GALNT16: variants seen among roughly 807,000 people sequenced by gnomAD.
GALNT16 encodes the protein UDP-GalNAc:polypeptide N-acetylgalactosaminyltransferase-like protein 1.
In GALNT16, 40 loss-of-function variants were observed where a neutral mutation model predicts 76.1. The ratio of observed to expected loss-of-function variants is 0.53; its 90% CI spans 0.41 to 0.68. GALNT16 has a LOEUF of 0.68. GALNT16 is among the 30% of genes least tolerant of loss of function. The pLI is 0.00. For synonymous variants in GALNT16, 276 were observed against 285.2 expected, an observed-to-expected ratio of 0.97 and a Z score of 0.32; for missense variants, 621 against 731.9, an observed-to-expected ratio of 0.85 and a Z score of 1.75.
chr14:69,310,450 T>C (rs939996221), intron 1 of GALNT16, among the ~76,000 whole-genome samples: 2 of 152,160 alleles, frequency 1.3e-5, no homozygotes, highest in Non-Finnish European at 2.9e-5. Flanking sequence ...TTTCCAAGCA[T>C]GAGCTGTGTC....
chr14:69,271,003 G>A (rs902116516), intron 1 of GALNT16, among the ~76,000 whole-genome samples: 2 of 152,112 alleles, frequency 1.3e-5, no homozygotes, highest in African/African-American at 2.4e-5. Context: ...GACCAGGGAA[G>A]GCAAGGGAGC....
intron 1 of GALNT16, among the ~76,000 whole-genome samples, chr14:69,291,711 C>T (rs909606951): frequency 7.2e-5 from 11 of 152,196 alleles, no homozygotes; most frequent in Non-Finnish European, 1.5e-4. Context: ...AGGAGTTCCA[C>T]CCCCTGGACT....
rs866631421 is a variant in GALNT16 at position 69,348,286 on chromosome 14, A to C, written c.1539+284A>C. 5.1e-4 allele frequency: 292 copies of C among 571,426 alleles called. 6 individuals are homozygous for C. In the South Asian group the frequency reaches 6.6e-3, roughly 13 times the overall value. The allele number at this position is 571,426 out of a possible 1,614,324, so 35.4% of individuals were successfully genotyped here. On this transcript the variant is annotated intron_variant, in intron 14 of 14. Coordinates refer to ENST00000448469, the MANE Select transcript of GALNT16 (RefSeq NM_001168368.2). ...TAACACTGTATCCCTAGCTCCTGAC[A>C]ACCACCACAGTTCAAATAAGTGTTA...
In GALNT16 at chr14:69,331,519, C is replaced by T; in HGVS notation, c.746C>T (p.Ala249Val). The T allele has an allele frequency of 6.2e-7, 1 of 1,610,038 alleles. No homozygotes were observed. Among genetic ancestry groups the T allele is most frequent in the Non-Finnish European group, 8.5e-7 (1 of 1,176,262 alleles). The change falls in exon 7 of 15, where the codon GCC (alanine) becomes GTC (valine). Residue 249 changes from alanine to valine, a missense_variant. Transcript: ENST00000448469. ...GATGTCATCAGTCTGGATAATTTTG[C>T]CTACCTTGCAGCATCTGCTGACCTT... is the stretch of plus-strand genomic sequence containing the variant. ...IIDVISLDNF[A>V]YLAASADLRG... is the part of the protein sequence containing the mutation.
intron 1 of GALNT16, among the ~76,000 whole-genome samples, chr14:69,304,682 A>G (rs779619259): frequency 2.0e-5 from 3 of 152,180 alleles, no homozygotes; most frequent in African/African-American, 7.2e-5. Context: ...ATTTGACATC[A>G]TCATATTTTA....
chr14:69,272,268 C>T (rs1265202753), intron 1 of GALNT16, among the ~76,000 whole-genome samples: 1 of 152,158 alleles, frequency 6.6e-6, no homozygotes, highest in East Asian at 1.9e-4. Flanking sequence ...GAAGGGGAGG[C>T]ACAAGAATTG....
chr14:69,352,300 A>G lies in GALNT16; in HGVS notation c.*132A>G. ...CCAGGACCATCAGCAAATACCCACC[A>G]TGACACACGTTCTCCAAAGCTTGTT... is the stretch of plus-strand genomic sequence containing the variant. On this transcript the variant is annotated 3_prime_UTR_variant, in exon 15 of 15. Transcript: ENST00000448469. 1.2e-6 allele frequency: 1 copy of G among 814,660 alleles called. No individual in the cohort carries two copies. The highest frequency in any genetic ancestry group is 1.9e-6 in the Non-Finnish European group (1 of 531,382). The allele number at this position is 814,660 out of a possible 1,614,324, so 50.5% of individuals were successfully genotyped here. A position where few individuals can be genotyped will look rare whatever the true frequency, so the allele number is the denominator to read the frequency against.
At chr14:69,307,342 A>G (rs1268852264) in intron 1 of GALNT16, among the ~76,000 whole-genome samples, 1 of 152,236 alleles carries the variant, frequency 6.6e-6, no homozygotes, top group African/African-American at 2.4e-5. Context: ...TCAGCTCTTC[A>G]GCAGCCTTGT....
downstream of GALNT16, among the ~76,000 whole-genome samples, chr14:69,360,633 G>A (rs1360779053): frequency 6.9e-6 from 1 of 143,920 alleles, no homozygotes; most frequent in East Asian, 2.0e-4. Context: ...AGAAGGAGAA[G>A]AAAAGAGAAG....
chr14:69,262,355 C>T (rs1051672708), intron 1 of GALNT16, among the ~76,000 whole-genome samples: 14 of 152,146 alleles, frequency 9.2e-5, no homozygotes, highest in East Asian at 1.9e-4. Flanking sequence ...CTGGGAGGGC[C>T]GCTCACATTT....
In GALNT16 at chr14:69,342,530, GAAAA is replaced by G. The variant is rs2045507172; in HGVS notation, c.1271+767_1271+770del. ...GGAGGAAGGAAGGGGAGAGGGAGAG[GAAAA>G]GAAAAGAAAAGGAGAGAATCAACAA... On this transcript the variant is annotated intron_variant, in intron 12 of 14. Transcript: ENST00000448469. Among the ~76,000 whole-genome samples, 12 of 62,606 alleles carry G rather than the reference GAAAA, an allele frequency of 1.9e-4. 1 individual carries two copies. The highest frequency in any genetic ancestry group is 3.5e-4 in the Non-Finnish European group (7 of 19,890). 41.1% of individuals were successfully genotyped at this position (62,606 alleles called of 152,430 possible). A position where few individuals can be genotyped will look rare whatever the true frequency, so the allele number is the denominator to read the frequency against.
intron 1 of GALNT16, among the ~76,000 whole-genome samples, chr14:69,292,296 T>C (rs2044696199): frequency 6.6e-6 from 1 of 152,248 alleles, no homozygotes; most frequent in African/African-American, 2.4e-5. Flanking sequence ...TTAGTGCTCT[T>C]AGCTGGCATG....
intron 1 of GALNT16, among the ~76,000 whole-genome samples, chr14:69,306,557 C>G (rs185388125): frequency 1.3e-5 from 2 of 152,174 alleles, no homozygotes; most frequent in East Asian, 3.8e-4. Flanking sequence ...ACTCTTCTTC[C>G]TGCTGTTAAC....
chr14:69,371,772 C>T, the GALNT16 span, among the ~76,000 whole-genome samples: 1 of 150,940 alleles, frequency 6.6e-6, no homozygotes, highest in African/African-American at 2.4e-5. Flanking sequence ...GGTGAAACCC[C>T]ATCTCTACTA....
chr14:69,360,787 G>T (rs1342390144), downstream of GALNT16, among the ~76,000 whole-genome samples: 1 of 152,238 alleles, frequency 6.6e-6, no homozygotes, highest in Non-Finnish European at 1.5e-5. Flanking sequence ...AGTTTAACAA[G>T]CCTCTTGGGG....
Position 69,326,023 on chromosome 14 carries a change from G to T in GALNT16, c.564G>T (p.Arg188=). The T allele has an allele frequency of 1.2e-6, 2 of 1,613,180 alleles. No homozygotes were observed. The highest frequency in any genetic ancestry group is 1.7e-6 in the Non-Finnish European group (2 of 1,179,180). The change falls in exon 5 of 15, where the codon CGG becomes CGT. Residue 188 remains arginine (R), a synonymous_variant. Transcript: ENST00000448469. ...PKVKCLRNDR[R]EGLIRSRVRG... ...TCAAGTGCCTGCGCAATGATCGGCG[G>T]GAAGGTGAGTCCTTGCACCCTGGGT...
chr14:69,365,372 ATGTC>A, the GALNT16 span, among the ~76,000 whole-genome samples: 1 of 152,206 alleles, frequency 6.6e-6, no homozygotes, highest in Non-Finnish European at 1.5e-5. Context: ...GGTGGAATGT[ATGTC>A]TATTTTGTCT....
intron 1 of GALNT16, among the ~76,000 whole-genome samples, chr14:69,262,140 C>T (rs933203371): frequency 1.3e-5 from 2 of 152,314 alleles, no homozygotes; most frequent in African/African-American, 4.8e-5. Flanking sequence ...GCAGGCTGGC[C>T]AGATGCTCTG....
intron 2 of GALNT16, among the ~76,000 whole-genome samples, chr14:69,321,082 A>T (rs1297905608): frequency 6.6e-6 from 1 of 152,232 alleles, no homozygotes; most frequent in Non-Finnish European, 1.5e-5. Flanking sequence ...GCTGGGGCCA[A>T]GGAGGCCCCA....
Sources: allele counts gnomAD v4.1 joint callset (sites outside exome capture counted in the v4.1 genomes callset), GRCh38; gene constraint gnomAD v4.1.1; transcripts MANE v1.5; gene names NCBI Gene and HGNC (gene_info 2026-07-23, HGNC 2026-07-21).